The following ASB3 variants were observed in gnomAD, a reference collection of about 807,000 sequenced individuals.
The protein encoded by ASB3 is ankyrin repeat and SOCS box protein 3.
In ASB3, 41 loss-of-function variants were observed where a neutral mutation model predicts 54.5. That is an observed-to-expected ratio of 0.75 (90% CI 0.59 to 0.98). The LOEUF (loss-of-function observed/expected upper bound fraction) is 0.98. ASB3 is among the 50% of genes least tolerant of loss of function. The probability of loss-of-function intolerance (pLI) is 0.00; values close to 1 mark genes in which losing one functional copy is unlikely to be tolerated. For missense variants in ASB3, 733 were observed against 620.0 expected (o/e 1.18, Z -1.94); for synonymous variants, 266 against 221.2 (o/e 1.20, Z -1.80).
At chr2:53,683,800 C>A (rs868775816) in intron 9 of ASB3, among the ~76,000 whole-genome samples, 2 of 151,946 alleles carry the variant, frequency 1.3e-5, no homozygotes, top group Admixed American at 1.3e-4. Context: ...TCTACGGTAT[C>A]GGTTATAATG....
At chr2:53,719,134 A>AGGAT (rs1272581815) in intron 5 of ASB3, among the ~76,000 whole-genome samples, 2 of 152,144 alleles carry the variant, frequency 1.3e-5, no homozygotes, top group Non-Finnish European at 2.9e-5. Flanking sequence ...CATGTTGGCC[A>AGGAT]GGATGGTCTT....
intron 3 of ASB3, among the ~76,000 whole-genome samples, chr2:53,732,614 A>AT (rs1352709699): frequency 1.1e-4 from 16 of 152,160 alleles, no homozygotes; most frequent in Non-Finnish European, 2.2e-4. Flanking sequence ...AAAAATTTTC[A>AT]TTTTTTTAAC....
chr2:53,736,818 C>A (rs1671662027), intron 3 of ASB3, among the ~76,000 whole-genome samples: 4 of 151,692 alleles, frequency 2.6e-5, no homozygotes, highest in Admixed American at 2.6e-4. Context: ...CATGTTTAAA[C>A]CCAGTCTCTA....
At chr2:53,741,959 A>G (rs1413064924) in intron 3 of ASB3, among the ~76,000 whole-genome samples, 1 of 152,206 alleles carries the variant, frequency 6.6e-6, no homozygotes, top group Non-Finnish European at 1.5e-5. Flanking sequence ...CAGATGTGTC[A>G]GCTGCACATC....
intron 9 of ASB3, among the ~76,000 whole-genome samples, chr2:53,686,781 A>G (rs1379650339): frequency 6.6e-6 from 1 of 152,188 alleles, no homozygotes; most frequent in Non-Finnish European, 1.5e-5. Flanking sequence ...CAATGGCACA[A>G]TCTCGGCTCA....
At chr2:53,699,188 T>C (rs1440429837) in intron 8 of ASB3, among the ~76,000 whole-genome samples, 1 of 152,208 alleles carries the variant, frequency 6.6e-6, no homozygotes, top group African/African-American at 2.4e-5. Flanking sequence ...TCTCTTCTTA[T>C]AAAGCCACCC....
intron 9 of ASB3, among the ~76,000 whole-genome samples, chr2:53,686,399 C>A (rs767628827): frequency 5.9e-5 from 9 of 152,162 alleles, no homozygotes; most frequent in Non-Finnish European, 8.8e-5. Flanking sequence ...CTCAGAGCCA[C>A]GGTTTTGTGC....
chr2:53,785,626 C>A (rs952639307), intron 1 of ASB3, among the ~76,000 whole-genome samples: 4 of 152,124 alleles, frequency 2.6e-5, no homozygotes, highest in Non-Finnish European at 5.9e-5. Flanking sequence ...GCGGATCACC[C>A]GAGGTCAGGA....
chr2:53,785,291 A>T (rs1352657626), intron 1 of ASB3, among the ~76,000 whole-genome samples: 2 of 152,214 alleles, frequency 1.3e-5, no homozygotes, highest in Admixed American at 6.5e-5. Context: ...TTACTTGAAC[A>T]TCAGCTCTAT....
intron 1 of ASB3, among the ~76,000 whole-genome samples, chr2:53,777,412 C>G (rs561346328): frequency 1.4e-4 from 21 of 152,336 alleles, no homozygotes; most frequent in Non-Finnish European, 2.4e-4. Context: ...AAGACAAAAA[C>G]ATTTCATTGT....
intron 1 of ASB3, among the ~76,000 whole-genome samples, chr2:53,784,628 T>C (rs778366553): frequency 6.6e-6 from 1 of 152,192 alleles, no homozygotes; most frequent in Non-Finnish European, 1.5e-5. Flanking sequence ...CCTTGTCTTA[T>C]AGACACATAC....
intron 9 of ASB3, among the ~76,000 whole-genome samples, chr2:53,671,365 T>A (rs971198165): frequency 6.7e-6 from 1 of 148,218 alleles, no homozygotes; most frequent in Non-Finnish European, 1.5e-5. Flanking sequence ...TGTGTGTGTG[T>A]GTGTGTGTGT....
chr2:53,757,012 G>T, intron 2 of ASB3: 1 of 167,900 alleles, frequency 6.0e-6, no homozygotes. Flanking sequence ...AAGAACCCGA[G>T]GTCAGAGAAC....
intron 9 of ASB3, among the ~76,000 whole-genome samples, chr2:53,683,856 C>G (rs1416134877): frequency 6.6e-6 from 1 of 151,872 alleles, no homozygotes; most frequent in Admixed American, 6.6e-5. Context: ...TTTTCTTAGT[C>G]TGGCTAAATG....
intron 2 of ASB3, among the ~76,000 whole-genome samples, chr2:53,761,232 A>AGG (rs1673126561): frequency 1.3e-5 from 2 of 152,308 alleles, no homozygotes; most frequent in South Asian, 4.1e-4. Flanking sequence ...GGTAGTAAAG[A>AGG]GGGCTCACTA....
intron 9 of ASB3, among the ~76,000 whole-genome samples, chr2:53,689,925 T>C (rs969184875): frequency 3.9e-5 from 6 of 152,132 alleles, no homozygotes; most frequent in Admixed American, 6.6e-5. Flanking sequence ...CTCATTGCTA[T>C]GTACTACTAC....
chr2:53,750,121 C>G (rs73934997), intron 3 of ASB3, among the ~76,000 whole-genome samples: 13 of 152,080 alleles, frequency 8.5e-5, no homozygotes, highest in African/African-American at 3.1e-4. Context: ...AAACTATAGT[C>G]CAGATGCACT....
chr2:53,702,176 C>A (rs756120470), intron 7 of ASB3, among the ~76,000 whole-genome samples: 19 of 152,122 alleles, frequency 1.2e-4, no homozygotes, highest in Non-Finnish European at 2.6e-4. Flanking sequence ...AGAGTAAATC[C>A]CAAAAGGCTT....
At chr2:53,738,673 G>A (rs896934515) in intron 3 of ASB3, among the ~76,000 whole-genome samples, 11 of 152,186 alleles carry the variant, frequency 7.2e-5, no homozygotes, top group African/African-American at 2.7e-4. Context: ...ATTGGAAACA[G>A]AGAGCCAGGC....
Sources: allele counts gnomAD v4.1 joint callset (sites outside exome capture counted in the v4.1 genomes callset), GRCh38; gene constraint gnomAD v4.1.1; transcripts MANE v1.5; gene names NCBI Gene and HGNC (gene_info 2026-07-23, HGNC 2026-07-21).